The following GALNT13 variants were observed in gnomAD, a reference collection of about 807,000 sequenced individuals.
GALNT13 encodes the protein polypeptide N-acetylgalactosaminyltransferase 13, also known as UDP-GalNAc:polypeptide N-acetylgalactosaminyltransferase 13.
A neutral mutation model predicts 64.2 loss-of-function variants in GALNT13; 28 were observed. That is an observed-to-expected ratio of 0.44 (90% confidence interval 0.32 to 0.60). GALNT13 has a LOEUF of 0.60. GALNT13 is among the 20% of genes least tolerant of loss of function. GALNT13 has a pLI of 0.05. For synonymous variants in GALNT13, 214 were observed against 224.6 expected, an observed-to-expected ratio of 0.95 and a Z score of 0.42; for missense variants, 577 against 669.8, an observed-to-expected ratio of 0.86 and a Z score of 1.53.
chr2:154,252,978 A>T (rs1016605153), intron 7 of GALNT13, among the ~76,000 whole-genome samples: 3 of 152,194 alleles, frequency 2.0e-5, no homozygotes, highest in Admixed American at 1.3e-4. Flanking sequence ...AATTAATTGG[A>T]CCCAGAAAAC....
At chr2:153,452,045 G>A in the GALNT13 span, among the ~76,000 whole-genome samples, 1 of 152,236 alleles carries the variant, frequency 6.6e-6, no homozygotes, top group African/African-American at 2.4e-5. Context: ...AGCATCGCTT[G>A]TACAGCTTCT....
chr2:153,092,623 T>G, the GALNT13 span, among the ~76,000 whole-genome samples: 1 of 152,352 alleles, frequency 6.6e-6, no homozygotes, highest in South Asian at 2.1e-4. Context: ...CTTTCTGATT[T>G]CTTTCTCATG....
intron 11 of GALNT13, chr2:154,436,524 G>A (rs1470216662): frequency 2.0e-5 from 3 of 152,096 alleles, no homozygotes; most frequent in South Asian, 2.1e-4. Flanking sequence ...TTCTAATGTC[G>A]AAGACTATCC....
At chr2:153,087,916 C>G in the GALNT13 span, among the ~76,000 whole-genome samples, 1 of 151,956 alleles carries the variant, frequency 6.6e-6, no homozygotes, top group Non-Finnish European at 1.5e-5. Context: ...TTAAGAGAAT[C>G]TGGTTTTTGT....
the GALNT13 span, among the ~76,000 whole-genome samples, chr2:153,600,038 C>T: frequency 7.2e-5 from 11 of 151,960 alleles, no homozygotes; most frequent in South Asian, 2.1e-4. Context: ...CCAAATCTCC[C>T]GAGGCAGAGA....
chr2:153,672,109 T>C, the GALNT13 span, among the ~76,000 whole-genome samples: 1 of 152,164 alleles, frequency 6.6e-6, no homozygotes, highest in African/African-American at 2.4e-5. Flanking sequence ...GATGGGAGAC[T>C]TTAACACCCC....
At chr2:153,895,197 C>T (rs537422799) in intron 1 of GALNT13, among the ~76,000 whole-genome samples, 78 of 152,008 alleles carry the variant, frequency 5.1e-4, no homozygotes, top group African/African-American at 1.8e-3. Flanking sequence ...GTTGCTGAGA[C>T]GTTTTGACAC....
the GALNT13 span, among the ~76,000 whole-genome samples, chr2:153,712,277 ACAGCTTGCCTTTTGAAAG>A: frequency 6.6e-6 from 1 of 152,204 alleles, no homozygotes; most frequent in Non-Finnish European, 1.5e-5. Flanking sequence ...CTTAGAGATT[ACAGCTTGCCTTTTGAAAG>A]AAGCTACCAA....
At chr2:153,286,782 A>C in the GALNT13 span, among the ~76,000 whole-genome samples, 1 of 152,224 alleles carries the variant, frequency 6.6e-6, no homozygotes, top group Non-Finnish European at 1.5e-5. Flanking sequence ...AGAGTGAAAG[A>C]AAGTCATGAA....
chr2:153,602,238 A>G, the GALNT13 span, among the ~76,000 whole-genome samples: 1 of 151,894 alleles, frequency 6.6e-6, no homozygotes. Flanking sequence ...CTTATTATCC[A>G]TCTACTATCT....
chr2:153,691,450 A>T, the GALNT13 span, among the ~76,000 whole-genome samples: 8 of 152,124 alleles, frequency 5.3e-5, no homozygotes, highest in Non-Finnish European at 1.2e-4. Context: ...ATGATGCTTC[A>T]TTAAAAGCTT....
At chr2:153,965,406 CA>C (rs1389438109) in intron 3 of GALNT13, among the ~76,000 whole-genome samples, 1 of 152,062 alleles carries the variant, frequency 6.6e-6, no homozygotes, top group African/African-American at 2.4e-5. Flanking sequence ...TTCATGGGAT[CA>C]ATTTTTTTTA....
At chr2:153,515,830 A>C in the GALNT13 span, among the ~76,000 whole-genome samples, 1 of 152,164 alleles carries the variant, frequency 6.6e-6, no homozygotes, top group Non-Finnish European at 1.5e-5. Context: ...TGAAAAAAAA[A>C]GTATGTGAGG....
intron 9 of GALNT13, among the ~76,000 whole-genome samples, chr2:154,377,409 G>A (rs888551932): frequency 6.6e-6 from 1 of 152,094 alleles, no homozygotes; most frequent in African/African-American, 2.4e-5. Context: ...AAAGAAAGAG[G>A]ATGGAAAGAA....
chr2:153,874,441 G>A (rs1391995438), intron 1 of GALNT13, among the ~76,000 whole-genome samples: 3 of 151,948 alleles, frequency 2.0e-5, no homozygotes, highest in Non-Finnish European at 4.4e-5. Flanking sequence ...TCTCGGATCC[G>A]CTTTGGAGAG....
Position 153,943,784 on chromosome 2 carries a change from C to T in GALNT13, c.-104-610C>T, listed in dbSNP as rs899166938. Among the ~76,000 whole-genome samples the T allele has an allele frequency of 5.3e-5, 8 of 152,198 alleles. 1 individual carries two copies. In the East Asian group the frequency reaches 1.2e-3, roughly 22 times the overall value. On this transcript the variant is annotated intron_variant, in intron 2 of 12. Coordinates refer to ENST00000392825, the MANE Select transcript of GALNT13 (RefSeq NM_052917.4). ...TGTTGGGATTACAGGCGTGAGCCGC[C>T]GTGCCCAGCTCTGTTTTATGTTTTA...
chr2:154,408,502 A>G (rs1699651895), intron 10 of GALNT13, among the ~76,000 whole-genome samples: 1 of 152,098 alleles, frequency 6.6e-6, no homozygotes, highest in Non-Finnish European at 1.5e-5. Flanking sequence ...CTTTATTAAC[A>G]CACAGAATGG....
the GALNT13 span, among the ~76,000 whole-genome samples, chr2:153,297,440 C>A: frequency 6.6e-6 from 1 of 152,108 alleles, no homozygotes; most frequent in South Asian, 2.1e-4. Context: ...CATAAAATTG[C>A]AGAGTAGTTT....
chr2:153,903,176 G>A (rs1178957196), intron 2 of GALNT13, among the ~76,000 whole-genome samples: 1 of 151,894 alleles, frequency 6.6e-6, no homozygotes, highest in Admixed American at 6.6e-5. Flanking sequence ...AGTTACGATA[G>A]TAAACATGTC....
Sources: gnomAD v4.1 joint callset for allele counts (sites outside exome capture counted in the v4.1 genomes callset) on GRCh38, gnomAD v4.1.1 for gene constraint, MANE v1.5 for transcripts, NCBI Gene and HGNC (gene_info 2026-07-23, HGNC 2026-07-21) for gene names.